CARS2: variants seen among roughly 807,000 people sequenced by gnomAD.
CARS2 encodes probable cysteine--tRNA ligase, mitochondrial.
A neutral mutation model predicts 68.8 loss-of-function variants in CARS2; 52 were observed. The observed-to-expected ratio is 0.76, with a 90% CI of 0.61 to 0.95. CARS2 has a LOEUF of 0.95. Ranked by LOEUF, CARS2 falls within the 40% of genes least tolerant of loss-of-function variation. The probability of loss-of-function intolerance (pLI) is 0.00; values close to 1 mark genes in which losing one functional copy is unlikely to be tolerated. For synonymous variants in CARS2, 314 were observed against 303.6 expected (o/e 1.03, Z -0.36); for missense variants, 780 against 754.2 (o/e 1.03, Z -0.40).
At chr13:110,683,918 C>T (rs1008201207) in intron 5 of CARS2, among the ~76,000 whole-genome samples, 1 of 152,212 alleles carries the variant, frequency 6.6e-6, no homozygotes, top group Non-Finnish European at 1.5e-5. Context: ...TGCCAAGGTC[C>T]GCTTTGCAGT....
At chr13:110,650,705 C>T (rs1555344606) in intron 10 of CARS2, 3 of 277,980 alleles carry the variant, frequency 1.1e-5, no homozygotes, top group Non-Finnish European at 2.0e-5. Flanking sequence ...TGTTCAGGGG[C>T]CGTGCCAGGC....
intron 8 of CARS2, chr13:110,663,868 T>C (rs1336270111): frequency 8.0e-5 from 84 of 1,053,652 alleles, no homozygotes; most frequent in Non-Finnish European, 9.6e-5. Flanking sequence ...ATTCAGATAC[T>C]GGTCAGCATC....
intron 13 of CARS2, chr13:110,643,990 C>T (rs1349223881): frequency 1.5e-6 from 1 of 668,504 alleles, no homozygotes; most frequent in Non-Finnish European, 2.2e-6. Context: ...CCTGTCCGTA[C>T]AAAACATGTG....
rs894839585 is a variant in CARS2 at position 110,687,850 on chromosome 13, C to T, written c.466-24G>A. ...ACCTGCAAGGAAGTGGAGACGTGAC[C>T]GTGTTTCCCTCGTGAGAAGCACAGG... On this transcript the variant is annotated intron_variant, in intron 4 of 14. Coordinates refer to ENST00000257347, the MANE Select transcript of CARS2 (RefSeq NM_024537.4). 1.1e-5 allele frequency: 18 copies of T among 1,572,296 alleles called. No individual in the cohort carries two copies. In the East Asian group the frequency reaches 2.5e-4, roughly 22 times the overall value.
chr13:110,704,159 G>A (rs2063871445), intron 2 of CARS2, among the ~76,000 whole-genome samples: 1 of 152,170 alleles, frequency 6.6e-6, no homozygotes, highest in African/African-American at 2.4e-5. Flanking sequence ...CTCATAGACT[G>A]AGACAGGCTG....
rs2062680387 is a variant in CARS2, at chr13:110,667,441, G to T, written c.818C>A (p.Ser273Ter). 1 of 1,613,622 alleles carries T rather than the reference G, an allele frequency of 6.2e-7. No homozygotes were observed. Among genetic ancestry groups the T allele is most frequent in the Non-Finnish European group, 8.5e-7 (1 of 1,179,682 alleles). The change falls in exon 8 of 15, where the codon TCA becomes TAA. Residue 273 changes from serine (S) to a stop codon, truncating the protein, a stop_gained. Coordinates refer to ENST00000257347, the MANE Select transcript of CARS2 (RefSeq NM_024537.4). LOFTEE classifies it high-confidence loss of function. ...TGGAAAAGCTAAATCTATCCCACCT[G>T]AATGGATATCCAGTTGACTTCCAAA... ...MVFGSQLDIH[S>*]GGIDLAFPHH... is the part of the protein sequence containing the mutation.
In CARS2 at chr13:110,701,530, G is replaced by A. The variant is rs777672253; in HGVS notation, c.301C>T (p.Arg101Ter). 2 of 1,556,882 alleles carry A rather than the reference G, an allele frequency of 1.3e-6. No homozygotes were observed. Among genetic ancestry groups the A allele is most frequent in the South Asian group, 1.1e-5 (1 of 89,898 alleles). Residue 101 changes from arginine to a stop codon, truncating the protein, a stop_gained, in exon 3 of 15, where the codon CGA becomes TGA. Transcript: ENST00000257347. LOFTEE classifies it high-confidence loss of function. Reference sequence around the variant, plus strand: ...CCAAAAACCTTGGTTAGGATCCTTCGAATGATATCAAATCTAACATATGAG... The same window carrying A: ...CCAAAAACCTTGGTTAGGATCCTTCAAATGATATCAAATCTAACATATGAG... ...ACSYVRFDII[R>*]RILTKVFGCS...
At chr13:110,666,352 T>C (rs7328567) in intron 8 of CARS2, 815,240 of 985,016 alleles carry the variant, frequency 0.83, 338,684 homozygotes, top group East Asian at 0.85. Flanking sequence ...TATGGGGTGC[T>C]GGACAACAGC....
chr13:110,706,526 C>T (rs1368948959), upstream of CARS2: 1 of 154,400 alleles, frequency 6.5e-6, no homozygotes, highest in Non-Finnish European at 1.4e-5. Context: ...GTGTGCATCC[C>T]AGCACAGCCC....
intron 9 of CARS2, among the ~76,000 whole-genome samples, chr13:110,654,315 G>A (rs1047726336): frequency 6.6e-6 from 1 of 152,182 alleles, no homozygotes; most frequent in Non-Finnish European, 1.5e-5. Flanking sequence ...CTCTTTCTAC[G>A]TGGACTGTGG....
At chr13:110,713,388 C>T (rs2064061828) in exon 1 of CARS2, 1 of 1,036,980 alleles carries the variant, frequency 9.6e-7, no homozygotes, top group African/African-American at 1.7e-5. Flanking sequence ...CGTTTCCCAG[C>T]GGGCGTGCTG....
At chr13:110,671,520 A>G (rs766929736) in intron 7 of CARS2, among the ~76,000 whole-genome samples, 4 of 152,228 alleles carry the variant, frequency 2.6e-5, no homozygotes, top group Non-Finnish European at 5.9e-5. Context: ...ATGCTGAGAG[A>G]TGTTGTCACC....
chr13:110,692,009 T>C (rs1482503384), intron 3 of CARS2, among the ~76,000 whole-genome samples: 1 of 56,328 alleles, frequency 1.8e-5, no homozygotes, highest in Non-Finnish European at 4.5e-5. Context: ...AAAAAATATA[T>C]ATATATATAT....
chr13:110,651,002 G>T (rs769930280), intron 10 of CARS2, 32 bp downstream of exon 10: 25 of 1,540,168 alleles, frequency 1.6e-5, no homozygotes, highest in Non-Finnish European at 2.1e-5. Flanking sequence ...CCGAGCTGGG[G>T]GGGGAGTCCA....
chr13:110,642,785 G>A, intron 13 of CARS2: 1 of 714,490 alleles, frequency 1.4e-6, no homozygotes, highest in Non-Finnish European at 2.6e-6. Context: ...GAAAGGGCTG[G>A]GGGCTGCATG....
At chr13:110,673,220 G>A (rs1465273089) in intron 7 of CARS2, among the ~76,000 whole-genome samples, 1 of 152,174 alleles carries the variant, frequency 6.6e-6, no homozygotes, top group Non-Finnish European at 1.5e-5. Context: ...TAAGAGGCCA[G>A]CATCATCCTG....
At chr13:110,669,926 T>C (rs2062755528) in intron 7 of CARS2, among the ~76,000 whole-genome samples, 1 of 152,166 alleles carries the variant, frequency 6.6e-6, no homozygotes, top group South Asian at 2.1e-4. Flanking sequence ...TGCGCCTGGC[T>C]CGGAGGGTCC....
chr13:110,663,980 G>C, intron 8 of CARS2: 1 of 988,608 alleles, frequency 1.0e-6, no homozygotes, highest in Non-Finnish European at 1.2e-6. Flanking sequence ...TCTCTGAGTG[G>C]GAAGAATCAG....
upstream of CARS2, chr13:110,706,127 G>T (rs1184588259): frequency 1.6e-6 from 2 of 1,278,124 alleles, no homozygotes; most frequent in Non-Finnish European, 2.0e-6. Context: ...GGGCGGAGAC[G>T]GGAGCCACGC....
Sources: allele counts gnomAD v4.1 joint callset (sites outside exome capture counted in the v4.1 genomes callset), GRCh38; gene constraint gnomAD v4.1.1; transcripts MANE v1.5; gene names NCBI Gene and HGNC (gene_info 2026-07-23, HGNC 2026-07-21).